RXFP2: variants seen among roughly 807,000 people sequenced by gnomAD.
RXFP2 encodes relaxin family peptide receptor 2.
A neutral mutation model predicts 88.6 loss-of-function variants in RXFP2; 68 were observed. The ratio of observed to expected loss-of-function variants is 0.77; its 90% confidence interval spans 0.63 to 0.94. The LOEUF (loss-of-function observed/expected upper bound fraction) is 0.94, where lower values mean the gene tolerates loss of function less well. Among genes scored for constraint, RXFP2 ranks in the 40% least tolerant of loss-of-function variants. The pLI is 0.00. For missense variants in RXFP2, 791 were observed against 893.9 expected, an observed-to-expected ratio of 0.88 and a Z score of 1.47; for synonymous variants, 329 against 306.8, an observed-to-expected ratio of 1.07 and a Z score of -0.76.
chr13:31,761,822 G>C (rs1356298537), intron 3 of RXFP2, 21 bp downstream of exon 3: 1 of 1,503,434 alleles, frequency 6.7e-7, no homozygotes, highest in African/African-American at 1.4e-5. Context: ...TTGATTCAAA[G>C]ACAGTATCAG....
At chr13:31,776,599 T>C (rs1430541594) in intron 7 of RXFP2, among the ~76,000 whole-genome samples, 1 of 152,094 alleles carries the variant, frequency 6.6e-6, no homozygotes, top group Admixed American at 6.6e-5. Flanking sequence ...TTTATTTTCA[T>C]CTGTAAATTA....
Position 31,765,035 on chromosome 13 carries a change from A to G in RXFP2, c.320-2A>G. On this transcript the variant is annotated splice_acceptor_variant, in intron 3 of 17. Coordinates refer to ENST00000298386, the MANE Select transcript of RXFP2 (RefSeq NM_130806.5). LOFTEE classifies it high-confidence loss of function. Reference sequence around the variant, plus strand: ...GAAATCTTACTCTTTTTGTCCCATTAGTTCTAAAACAGTATCCACAATGCT... The same window carrying G: ...GAAATCTTACTCTTTTTGTCCCATTGGTTCTAAAACAGTATCCACAATGCT... 2.0e-6 allele frequency: 3 copies of G among 1,522,680 alleles called. No homozygotes were observed. The highest frequency in any genetic ancestry group is 2.7e-6 in the Non-Finnish European group (3 of 1,097,102). The allele number at this position is 1,522,680 out of a possible 1,614,324, so 94.3% of individuals were successfully genotyped here. A position where few individuals can be genotyped will look rare whatever the true frequency, so the allele number is the denominator to read the frequency against.
chr13:31,783,619 A>G (rs1189449403), intron 11 of RXFP2, among the ~76,000 whole-genome samples: 1 of 152,208 alleles, frequency 6.6e-6, no homozygotes, highest in African/African-American at 2.4e-5. Flanking sequence ...AGTGCCTGGT[A>G]TGTGCAAGGT....
At chr13:31,767,987 T>C (rs567865940) in intron 5 of RXFP2, among the ~76,000 whole-genome samples, 1 of 152,296 alleles carries the variant, frequency 6.6e-6, no homozygotes, top group East Asian at 1.9e-4. Flanking sequence ...TATTAACTCA[T>C]AACTGTGTTC....
intron 5 of RXFP2, among the ~76,000 whole-genome samples, chr13:31,771,018 TG>T (rs149980353): frequency 0.029 from 4,429 of 152,204 alleles, 156 homozygotes; most frequent in African/African-American, 0.085. Context: ...AGAGTGAACA[TG>T]CAGTTTGCCT....
intron 3 of RXFP2, among the ~76,000 whole-genome samples, chr13:31,764,247 A>T (rs1279708770): frequency 6.2e-4 from 70 of 113,326 alleles, no homozygotes; most frequent in African/African-American, 2.2e-3. Flanking sequence ...TCTCTTTCAC[A>T]CACACACACA....
chr13:31,742,409 T>C (rs1187335332), intron 1 of RXFP2, among the ~76,000 whole-genome samples: 1 of 152,240 alleles, frequency 6.6e-6, no homozygotes, highest in East Asian at 1.9e-4. Context: ...ATTTCACAAC[T>C]TTATATTCAT....
rs1873287255 is a variant in RXFP2, at chr13:31,781,698, T to C, written c.813T>C (p.Tyr271=). 6.2e-7 allele frequency: 1 copy of C among 1,612,306 alleles called. No individual in the cohort carries two copies. The highest frequency in any genetic ancestry group is 8.5e-7 in the Non-Finnish European group (1 of 1,178,670). ...ATTTGGAAGGCAATAGAATAAAGTA[T>C]CTCACAAATTCTACGTTTCTGTCGT... ...WVDLEGNRIK[Y]LTNSTFLSCD... Residue 271 remains tyrosine (Y), a synonymous_variant, in exon 10 of 18, where the codon TAT becomes TAC. Transcript: ENST00000298386.
rs551925978 is a variant in RXFP2 at position 31,755,934 on chromosome 13, G to A, written c.95-2324G>A. ...CCTCCTCAGTCAGAAAAGACCCAGA[G>A]GTTGTGGCCACACCAGCCTCCGAAG... is the stretch of plus-strand genomic sequence containing the variant. On this transcript the variant is annotated intron_variant, in intron 1 of 17. Coordinates refer to ENST00000298386, the MANE Select transcript of RXFP2 (RefSeq NM_130806.5). Among the ~76,000 whole-genome samples, 584 of 152,336 alleles carry A rather than the reference G, an allele frequency of 3.8e-3. 4 individuals carry two copies. The highest frequency in any genetic ancestry group is 0.014 in the African/African-American group (571 of 41,584).
At chr13:31,766,839 T>C (rs1379649794) in intron 5 of RXFP2, among the ~76,000 whole-genome samples, 2 of 152,184 alleles carry the variant, frequency 1.3e-5, no homozygotes, top group African/African-American at 4.8e-5. Context: ...AAATGGAGAA[T>C]ATTCAGGTTC....
intron 5 of RXFP2, among the ~76,000 whole-genome samples, chr13:31,773,168 G>A (rs1872795633): frequency 6.6e-6 from 1 of 152,200 alleles, no homozygotes; most frequent in Non-Finnish European, 1.5e-5. Context: ...TCAACCAAAA[G>A]CAGAATGTAT....
At chr13:31,746,523 G>A (rs1269232353) in intron 1 of RXFP2, among the ~76,000 whole-genome samples, 3 of 152,148 alleles carry the variant, frequency 2.0e-5, no homozygotes, top group African/African-American at 7.2e-5. Flanking sequence ...CAGACTTGAT[G>A]TTAATTACCA....
chr13:31,802,260 A>G lies in RXFP2; in HGVS notation c.2120A>G (p.His707Arg), dbSNP rs778237717. Residue 707 changes from histidine (H) to arginine (R), a missense_variant, in exon 18 of 18, where the codon CAC becomes CGC. Transcript: ENST00000298386. ...FFKDKLKQLL[H>R]KHQRKSIFKI... ...AAGGACAAGTTGAAACAGCTGCTGC[A>G]CAAACATCAGAGGAAATCAATTTTC... 1 of 1,614,062 alleles carries G rather than the reference A, an allele frequency of 6.2e-7. No individual in the cohort carries two copies. The highest frequency in any genetic ancestry group is 8.5e-7 in the Non-Finnish European group (1 of 1,179,976).
intron 16 of RXFP2, among the ~76,000 whole-genome samples, chr13:31,796,634 G>T (rs982337095): frequency 6.6e-6 from 1 of 152,196 alleles, no homozygotes. Flanking sequence ...CCTCATAAGG[G>T]TTTATGTATT....
At chr13:31,773,956 A>G (rs1436236403) in intron 5 of RXFP2, among the ~76,000 whole-genome samples, 1 of 152,224 alleles carries the variant, frequency 6.6e-6, no homozygotes, top group Non-Finnish European at 1.5e-5. Context: ...CCATTGTACA[A>G]TGAAGACAGC....
intron 2 of RXFP2, among the ~76,000 whole-genome samples, chr13:31,759,152 A>C (rs1054732610): frequency 6.6e-6 from 1 of 151,700 alleles, no homozygotes; most frequent in African/African-American, 2.4e-5. Flanking sequence ...TCTCCAAATC[A>C]CTGGGACACA....
At chr13:31,800,127 G>A (rs1874262616) in intron 17 of RXFP2, among the ~76,000 whole-genome samples, 1 of 152,188 alleles carries the variant, frequency 6.6e-6, no homozygotes, top group South Asian at 2.1e-4. Flanking sequence ...CTTCTCGCTT[G>A]CCCAGCTTCC....
At chr13:31,743,245 G>A (rs984504940) in intron 1 of RXFP2, among the ~76,000 whole-genome samples, 11 of 152,046 alleles carry the variant, frequency 7.2e-5, no homozygotes, top group Non-Finnish European at 1.0e-4. Context: ...GAGGCAAGCA[G>A]ATCACTGAAG....
intron 1 of RXFP2, among the ~76,000 whole-genome samples, chr13:31,744,323 G>A (rs1355165348): frequency 6.6e-6 from 1 of 152,176 alleles, no homozygotes; most frequent in African/African-American, 2.4e-5. Context: ...GAGCTATTTA[G>A]ATTCTTTATG....
Sources: gnomAD v4.1 joint callset for allele counts (sites outside exome capture counted in the v4.1 genomes callset) on GRCh38, gnomAD v4.1.1 for gene constraint, MANE v1.5 for transcripts, NCBI Gene and HGNC (gene_info 2026-07-23, HGNC 2026-07-21) for gene names.